Variants in MYO1E observed in about 807,000 individuals in gnomAD.
The protein encoded by MYO1E is unconventional myosin-Ie.
Under a neutral mutation model 151.1 loss-of-function variants are expected in MYO1E, and 68 were observed. That is an observed-to-expected ratio of 0.45 (90% CI 0.37 to 0.55). The LOEUF (loss-of-function observed/expected upper bound fraction) is 0.55. Ranked by LOEUF, MYO1E falls within the 20% of genes least tolerant of loss-of-function variation. The probability of loss-of-function intolerance (pLI) is 0.00; values close to 1 mark genes in which losing one functional copy is unlikely to be tolerated. For missense variants in MYO1E, 1,363 were observed against 1,389.3 expected (o/e 0.98, Z 0.30); for synonymous variants, 601 against 501.7 (o/e 1.20, Z -2.64).
Position 59,188,199 on chromosome 15 carries a change from T to C in MYO1E, c.1823A>G (p.Glu608Gly), listed in dbSNP as rs1253141013. ...WEESRVKHQV[E>G]YLGLKENIRV... ...AATGTTCTCTTTCAGACCCAAATAT[T>C]CGACTTGATGCTTTACCCTGTGCAA... is the stretch of plus-strand genomic sequence containing the variant. The change falls in exon 18 of 28, where the codon GAA becomes GGA. Residue 608 changes from glutamate to glycine, a missense_variant. Glu to Gly is a moderately conservative substitution (Grantham distance 98). Coordinates refer to ENST00000288235, the MANE Select transcript of MYO1E (RefSeq NM_004998.4). The C allele has an allele frequency of 1.9e-6, 3 of 1,613,904 alleles. No homozygotes were observed. Among genetic ancestry groups the C allele is most frequent in the Non-Finnish European group, 2.5e-6 (3 of 1,179,958 alleles).
At chr15:59,363,565 AAG>A (rs1302145360) in intron 1 of MYO1E, among the ~76,000 whole-genome samples, 4 of 152,212 alleles carry the variant, frequency 2.6e-5, no homozygotes, top group African/African-American at 9.7e-5. Context: ...CCACTTTTCA[AAG>A]AGCATGGACT....
intron 13 of MYO1E, among the ~76,000 whole-genome samples, chr15:59,210,305 A>G (rs1437794959): frequency 6.7e-6 from 1 of 150,202 alleles, no homozygotes; most frequent in African/African-American, 2.5e-5. Context: ...GTACATTGAC[A>G]TTTTACTCAT....
chr15:59,165,269 C>A (rs951481811), intron 22 of MYO1E, among the ~76,000 whole-genome samples: 1 of 151,996 alleles, frequency 6.6e-6, no homozygotes, highest in Non-Finnish European at 1.5e-5. Context: ...TGGGGCGGGG[C>A]GGTGAATGGA....
chr15:59,331,724 T>C (rs1329739766), intron 1 of MYO1E, among the ~76,000 whole-genome samples: 1 of 152,220 alleles, frequency 6.6e-6, no homozygotes, highest in Non-Finnish European at 1.5e-5. Context: ...CAGTAGCACA[T>C]CTTTAAAAAG....
At chr15:59,372,385 T>G (rs2140448825) in intron 1 of MYO1E, 113 bp downstream of exon 1, 1 of 1,313,558 alleles carries the variant, frequency 7.6e-7, no homozygotes. Context: ...GGCTCCCGCG[T>G]CCACCTTCTC....
chr15:59,346,704 A>C (rs1384801922), intron 1 of MYO1E, among the ~76,000 whole-genome samples: 1 of 152,178 alleles, frequency 6.6e-6, no homozygotes, highest in Non-Finnish European at 1.5e-5. Flanking sequence ...ACTAGAGCCC[A>C]GGAGTTCAAG....
At chr15:59,152,139 G>T (rs976061073) in intron 26 of MYO1E, among the ~76,000 whole-genome samples, 3 of 152,102 alleles carry the variant, frequency 2.0e-5, no homozygotes, top group African/African-American at 7.2e-5. Context: ...TGAGGCAGGA[G>T]AATCACTTGA....
At chr15:59,160,710 C>T (rs188363700) in intron 24 of MYO1E, among the ~76,000 whole-genome samples, 7 of 152,092 alleles carry the variant, frequency 4.6e-5, no homozygotes, top group East Asian at 1.9e-4. Flanking sequence ...TGAGCCACCA[C>T]GCCGGGCCCA....
chr15:59,241,858 G>A (rs114376050), intron 4 of MYO1E, among the ~76,000 whole-genome samples: 1,766 of 152,132 alleles, frequency 0.012, 39 homozygotes, highest in African/African-American at 0.041. Context: ...GGTTGAGGCT[G>A]CAGTGAGCTA....
Position 59,137,209 on chromosome 15 carries a change from C to T in MYO1E, c.*171G>A, listed in dbSNP as rs1301947162. On this transcript the variant is annotated 3_prime_UTR_variant, in exon 28 of 28. Transcript: ENST00000288235. ...TAGGATCACTTATGGAGTGATACTCCCTGTCCCCAACCCAGCCTTTTCAGT... is the reference window on the plus strand; with the variant it reads ...TAGGATCACTTATGGAGTGATACTCTCTGTCCCCAACCCAGCCTTTTCAGT... The T allele has an allele frequency of 1.5e-6, 1 of 669,802 alleles. No individual in the cohort carries two copies. The highest frequency in any genetic ancestry group is 2.2e-5 in the Admixed American group (1 of 45,924). 41.5% of individuals were successfully genotyped at this position (669,802 alleles called of 1,614,324 possible).
intron 4 of MYO1E, 123 bp from the exon 5 acceptor site, chr15:59,236,795 ATT>A (rs11356613): frequency 9.6e-4 from 727 of 759,828 alleles, no homozygotes; most frequent in Middle Eastern, 1.4e-3. Flanking sequence ...GCAGAAAAGA[ATT>A]TTTTTTTTTA....
At chr15:59,282,157 T>C in intron 1 of MYO1E, among the ~76,000 whole-genome samples, 1 of 152,230 alleles carries the variant, frequency 6.6e-6, no homozygotes, top group Admixed American at 6.5e-5. Context: ...ATTTCCCAAA[T>C]GCATTTTACT....
chr15:59,343,655 A>T (rs957223118), intron 1 of MYO1E, among the ~76,000 whole-genome samples: 1 of 151,910 alleles, frequency 6.6e-6, no homozygotes, highest in Non-Finnish European at 1.5e-5. Context: ...GCCCTTCTGA[A>T]GCTATTTTCT....
chr15:59,289,828 G>A (rs1461442010), intron 1 of MYO1E, among the ~76,000 whole-genome samples: 1 of 152,082 alleles, frequency 6.6e-6, no homozygotes, highest in African/African-American at 2.4e-5. Flanking sequence ...GACATGGTTG[G>A]GTCACACCAG....
intron 1 of MYO1E, among the ~76,000 whole-genome samples, chr15:59,302,701 C>A (rs535013047): frequency 7.9e-5 from 12 of 152,296 alleles, no homozygotes; most frequent in Admixed American, 6.5e-4. Flanking sequence ...GCCTGACACA[C>A]CTTGGGGCTT....
intron 1 of MYO1E, among the ~76,000 whole-genome samples, chr15:59,324,753 G>T (rs1175381667): frequency 6.6e-6 from 1 of 151,680 alleles, no homozygotes; most frequent in Non-Finnish European, 1.5e-5. Flanking sequence ...CTTTCAGACT[G>T]AGGGGACCTG....
At chr15:59,168,987 A>G (rs2079576945) in intron 22 of MYO1E, among the ~76,000 whole-genome samples, 2 of 152,214 alleles carry the variant, frequency 1.3e-5, no homozygotes, top group Non-Finnish European at 2.9e-5. Flanking sequence ...TATTAAAATT[A>G]ACCACAAAAC....
At chr15:59,276,434 C>T (rs548427871) in intron 1 of MYO1E, among the ~76,000 whole-genome samples, 392 of 152,192 alleles carry the variant, frequency 2.6e-3, no homozygotes, top group African/African-American at 8.9e-3. Context: ...CAGTGGCGGG[C>T]GTGCCAGCTA....
At chr15:59,265,915 T>C (rs2140377246) in intron 2 of MYO1E, among the ~76,000 whole-genome samples, 1 of 151,822 alleles carries the variant, frequency 6.6e-6, no homozygotes, top group Admixed American at 6.6e-5. Context: ...TGCAGCGAAC[T>C]GTGATCACAC....
Sources: allele counts gnomAD v4.1 joint callset (sites outside exome capture counted in the v4.1 genomes callset), GRCh38; gene constraint gnomAD v4.1.1; transcripts MANE v1.5; gene names NCBI Gene and HGNC (gene_info 2026-07-23, HGNC 2026-07-21).